The following MLF1 variants were observed in gnomAD, a reference collection of about 807,000 sequenced individuals.
MLF1 encodes the protein myeloid leukemia factor 1, also known as myelodysplasia-myeloid leukemia factor 1.
Under a neutral mutation model 38.3 loss-of-function variants are expected in MLF1, and 37 were observed. The ratio of observed to expected loss-of-function variants is 0.96; its 90% CI spans 0.74 to 1.27. The LOEUF is 1.27. Among genes scored for constraint, MLF1 ranks in the 50% most tolerant of loss-of-function variants. MLF1 has a pLI of 0.00. For missense variants in MLF1, 331 were observed against 349.2 expected (o/e 0.95, Z 0.42); for synonymous variants, 95 against 106.5 (o/e 0.89, Z 0.66).
chr3:158,584,697 G>A (rs1576656616), intron 1 of MLF1, among the ~76,000 whole-genome samples: 1 of 143,404 alleles, frequency 7.0e-6, no homozygotes, highest in East Asian at 2.3e-4. Context: ...GTGTGTGTGT[G>A]TGTATACTTT....
Position 158,597,642 on chromosome 3 carries a change from C to T in MLF1, c.325-438C>T, listed in dbSNP as rs544170522. Among the ~76,000 whole-genome samples, 6 of 152,186 alleles carry T rather than the reference C, an allele frequency of 3.9e-5. No homozygotes were observed. The South Asian group carries it at 1.2e-3, about 32-fold the overall frequency. On this transcript the variant is annotated intron_variant, in intron 4 of 7. Transcript: ENST00000466246. ...GTTTTAGTAATGTAGCAATCTGGTA[C>T]CTACAGGAGGAGGTACGAAACTTGA...
chr3:158,573,020 C>T (rs1714788286), intron 1 of MLF1, among the ~76,000 whole-genome samples: 1 of 151,728 alleles, frequency 6.6e-6, no homozygotes, highest in African/African-American at 2.4e-5. Context: ...GACATAACTA[C>T]CATCTCGGTG....
rs867899569 is a variant in MLF1 at position 158,596,848 on chromosome 3, C to T, written c.241-14C>T. 4 of 1,574,930 alleles carry T rather than the reference C, an allele frequency of 2.5e-6. No individual in the cohort carries two copies. The East Asian group carries it at 6.8e-5, about 27-fold the overall frequency. ...TTACCTACAGTTAATAACATACTTC[C>T]TGATATTCTGTAGCATACAGATGTC... On this transcript the variant is annotated splice_polypyrimidine_tract_variant and intron_variant, in intron 3 of 7. Coordinates refer to ENST00000466246, the MANE Select transcript of MLF1 (RefSeq NM_001369783.1).
intron 1 of MLF1, among the ~76,000 whole-genome samples, chr3:158,573,904 A>T (rs1478435458): frequency 6.6e-6 from 1 of 152,132 alleles, no homozygotes; most frequent in South Asian, 2.1e-4. Flanking sequence ...TCCCAGGCTC[A>T]AGCGATCCTC....
At chr3:158,585,704 A>G (rs751693612) in intron 1 of MLF1, among the ~76,000 whole-genome samples, 2 of 152,242 alleles carry the variant, frequency 1.3e-5, no homozygotes, top group Non-Finnish European at 2.9e-5. Flanking sequence ...TTCTTCCAAC[A>G]TTCAACACAG....
chr3:158,580,436 G>A (rs997567290), intron 1 of MLF1, among the ~76,000 whole-genome samples: 3 of 152,088 alleles, frequency 2.0e-5, no homozygotes, highest in African/African-American at 7.2e-5. Context: ...CTGCCTTCTA[G>A]TGTGCTAAAA....
chr3:158,584,548 G>A (rs1341529939), intron 1 of MLF1, among the ~76,000 whole-genome samples: 1 of 152,042 alleles, frequency 6.6e-6, no homozygotes, highest in Non-Finnish European at 1.5e-5. Context: ...AGACACATAT[G>A]TTAGAATTAA....
At chr3:158,600,877 C>A (rs1719645650) in intron 6 of MLF1, among the ~76,000 whole-genome samples, 1 of 151,658 alleles carries the variant, frequency 6.6e-6, no homozygotes, top group Admixed American at 6.6e-5. Flanking sequence ...TGTATTTATT[C>A]TTCAATGCAT....
At chr3:158,571,424 C>T (rs1714261473) in intron 1 of MLF1, 77 bp downstream of exon 1, 1 of 1,573,126 alleles carries the variant, frequency 6.4e-7, no homozygotes. Flanking sequence ...GGGAAAAGAG[C>T]GAGTTTTAGA....
chr3:158,584,658 AGTGTGTGTGTGTGT>A (rs56885799), intron 1 of MLF1, among the ~76,000 whole-genome samples: 68 of 134,380 alleles, frequency 5.1e-4, no homozygotes, highest in Admixed American at 1.4e-3. Flanking sequence ...CCATAAAGAA[AGTGTGTGTGTGTGT>A]GTGTGTGTGT....
intron 1 of MLF1, among the ~76,000 whole-genome samples, chr3:158,585,294 C>T (rs1717087032): frequency 6.6e-6 from 1 of 152,018 alleles, no homozygotes; most frequent in Middle Eastern, 3.2e-3. Context: ...AAGAGCCTTT[C>T]ACCTCCCCAC....
intron 5 of MLF1, among the ~76,000 whole-genome samples, chr3:158,599,255 A>C (rs1719374294): frequency 6.6e-6 from 1 of 152,128 alleles, no homozygotes; most frequent in Non-Finnish European, 1.5e-5. Flanking sequence ...GTTGTAGGGT[A>C]TGTGTACTTT....
At chr3:158,585,671 G>T (rs1476538655) in intron 1 of MLF1, among the ~76,000 whole-genome samples, 1 of 152,112 alleles carries the variant, frequency 6.6e-6, no homozygotes, top group South Asian at 2.1e-4. Context: ...AAATTAGTAA[G>T]CTTGGAAATT....
chr3:158,574,353 G>C (rs1279914026), intron 1 of MLF1, among the ~76,000 whole-genome samples: 1 of 151,672 alleles, frequency 6.6e-6, no homozygotes, highest in Non-Finnish European at 1.5e-5. Context: ...TTAAATTTTT[G>C]TATTATTGTG....
At chr3:158,590,706 A>G (rs913570604) in intron 1 of MLF1, 1 of 437,636 alleles carries the variant, frequency 2.3e-6, no homozygotes, top group Non-Finnish European at 4.5e-6. Flanking sequence ...CAGAAAGCCT[A>G]TTCATGGTAA....
chr3:158,591,010 C>A, intron 1 of MLF1: 1 of 430,256 alleles, frequency 2.3e-6, no homozygotes, highest in South Asian at 1.7e-5. Flanking sequence ...GTGAATAAAT[C>A]TGAGCTCTTT....
intron 7 of MLF1, among the ~76,000 whole-genome samples, chr3:158,603,663 C>T (rs1720113095): frequency 6.6e-6 from 1 of 152,008 alleles, no homozygotes; most frequent in Non-Finnish European, 1.5e-5. Flanking sequence ...CATGGTGAAA[C>T]CCCGTCTCTA....
At chr3:158,582,864 A>G (rs1481534413) in intron 1 of MLF1, 1 of 689,052 alleles carries the variant, frequency 1.5e-6, no homozygotes, top group Non-Finnish European at 2.6e-6. Context: ...AGAGAGAAGG[A>G]AAATCATACA....
At chr3:158,589,942 A>T (rs2731118) in intron 1 of MLF1, among the ~76,000 whole-genome samples, 52,301 of 152,058 alleles carry the variant, frequency 0.34, 9,587 homozygotes, top group East Asian at 0.66. Context: ...TCTCCTTCTC[A>T]TAAGGACCCT....
Sources: gnomAD v4.1 joint callset for allele counts (sites outside exome capture counted in the v4.1 genomes callset) on GRCh38, gnomAD v4.1.1 for gene constraint, MANE v1.5 for transcripts, NCBI Gene and HGNC (gene_info 2026-07-23, HGNC 2026-07-21) for gene names.